The following PAH variants were observed in gnomAD, a reference collection of about 807,000 sequenced individuals.
The protein encoded by PAH is phenylalanine hydroxylase.
Under a neutral mutation model 62.0 loss-of-function variants are expected in PAH, and 64 were observed. The observed-to-expected ratio is 1.03, with a 90% CI of 0.84 to 1.27. The LOEUF is 1.27. Among genes scored for constraint, PAH ranks in the 50% most tolerant of loss-of-function variants. The pLI is 0.00. For missense variants in PAH, 579 were observed against 542.8 expected (o/e 1.07, Z -0.66); for synonymous variants, 195 against 196.2 (o/e 0.99, Z 0.05).
intron 3 of PAH, among the ~76,000 whole-genome samples, chr12:102,877,901 C>T (rs2136679807): frequency 6.6e-6 from 1 of 152,268 alleles, no homozygotes; most frequent in East Asian, 1.9e-4. Flanking sequence ...TCTTGGCTCA[C>T]TGAAACCTCT....
intron 1 of PAH, among the ~76,000 whole-genome samples, chr12:102,914,941 G>C (rs1039643068): frequency 5.9e-5 from 9 of 152,082 alleles, no homozygotes; most frequent in African/African-American, 1.9e-4. Context: ...TTTCTTAGTG[G>C]CCTGCATCGA....
At chr12:102,871,193 C>T (rs1044919661) in intron 4 of PAH, among the ~76,000 whole-genome samples, 1 of 152,178 alleles carries the variant, frequency 6.6e-6, no homozygotes, top group African/African-American at 2.4e-5. Context: ...CCTTCAAGGG[C>T]TTCTCATTGC....
intron 8 of PAH, among the ~76,000 whole-genome samples, chr12:102,851,437 G>A (rs115236441): frequency 7.1e-4 from 108 of 152,240 alleles, no homozygotes; most frequent in African/African-American, 2.5e-3. Context: ...GCTCTAGCAG[G>A]AAAAATGAGA....
At chr12:102,932,158 C>A (rs1878903187) in intron 1 of PAH, among the ~76,000 whole-genome samples, 1 of 152,134 alleles carries the variant, frequency 6.6e-6, no homozygotes, top group African/African-American at 2.4e-5. Flanking sequence ...CCAACCAAAC[C>A]ATTTGTCTGT....
At chr12:102,845,119 G>A (rs1391340087) in intron 9 of PAH, among the ~76,000 whole-genome samples, 1 of 152,214 alleles carries the variant, frequency 6.6e-6, no homozygotes, top group Non-Finnish European at 1.5e-5. Context: ...TGCCCAGGTA[G>A]AAGCCTGTGC....
intron 3 of PAH, among the ~76,000 whole-genome samples, chr12:102,886,920 A>T (rs1455794829): frequency 6.6e-6 from 1 of 152,160 alleles, no homozygotes; most frequent in African/African-American, 2.4e-5. Flanking sequence ...ATTAGGAGAT[A>T]GATGTGAATG....
At chr12:102,850,600 A>G (rs542994601) in intron 8 of PAH, among the ~76,000 whole-genome samples, 1 of 152,192 alleles carries the variant, frequency 6.6e-6, no homozygotes, top group South Asian at 2.1e-4. Context: ...TGACTGATCC[A>G]CTTTTATTAA....
intron 9 of PAH, among the ~76,000 whole-genome samples, chr12:102,845,652 G>A: frequency 6.6e-6 from 1 of 152,144 alleles, no homozygotes; most frequent in East Asian, 1.9e-4. Context: ...AGAATTAGGG[G>A]TAGGTTATTA....
At chr12:102,898,932 T>C (rs559133734) in intron 2 of PAH, among the ~76,000 whole-genome samples, 10 of 152,164 alleles carry the variant, frequency 6.6e-5, no homozygotes, top group South Asian at 6.2e-4. Flanking sequence ...AGCCATTATT[T>C]ATGGCTCCAA....
At chr12:102,843,850 G>A in intron 10 of PAH, 71 bp from the exon 11 acceptor site, 2 of 1,501,356 alleles carry the variant, frequency 1.3e-6, no homozygotes, top group Non-Finnish European at 1.8e-6. Flanking sequence ...CATCCCATAG[G>A]CCATTTGTGC....
upstream of PAH, among the ~76,000 whole-genome samples, chr12:102,954,351 C>T (rs1879852588): frequency 6.6e-6 from 1 of 152,214 alleles, no homozygotes; most frequent in Admixed American, 6.5e-5. Context: ...GTGATGATCA[C>T]AGAGTGGTTC....
At chr12:102,895,869 A>AATATATATATATATATATATATATAT in intron 2 of PAH, among the ~76,000 whole-genome samples, 1 of 118,714 alleles carries the variant, frequency 8.4e-6, no homozygotes, top group African/African-American at 3.6e-5. Context: ...AAAAAAAAAA[A>AATATATATATATATATATATATATAT]ATATATATAT....
chr12:102,852,491 G>C (rs1355670263), intron 7 of PAH, among the ~76,000 whole-genome samples: 1 of 152,178 alleles, frequency 6.6e-6, no homozygotes, highest in Non-Finnish European at 1.5e-5. Context: ...GAAGTATTGA[G>C]ATAGCTTGGC....
At position 102,935,904 on chromosome 12, in the gene PAH, AT is replaced by A. The variant is rs958969217; in HGVS notation, c.-96+14684del. Among the ~76,000 whole-genome samples the A allele has an allele frequency of 1.3e-3, 192 of 143,016 alleles. 4 individuals carry two copies. Among genetic ancestry groups the A allele is most frequent in the Admixed American group, 0.011 (161 of 14,576 alleles). 93.8% of individuals were successfully genotyped at this position (143,016 alleles called of 152,430 possible). On this transcript the variant is annotated intron_variant, in intron 1 of 3. Transcript: ENST00000546844. ...TTTATTTCTTTCTGCTCTGATCTTTATTTTTTTTTCTTCTATTAATTTTGGG... is the reference window on the plus strand; with the variant it reads ...TTTATTTCTTTCTGCTCTGATCTTTATTTTTTTTCTTCTATTAATTTTGGG...
chr12:102,861,966 T>TAAAAAAAAAAAAAA (rs71097947), intron 5 of PAH, among the ~76,000 whole-genome samples: 1 of 128,472 alleles, frequency 7.8e-6, no homozygotes, highest in Non-Finnish European at 1.7e-5. Context: ...ACTTAAAGTA[T>TAAAAAAAAAAAAAA]AAAAAAAAAA....
intron 1 of PAH, among the ~76,000 whole-genome samples, chr12:102,945,796 G>A (rs1055113180): frequency 2.6e-5 from 4 of 152,092 alleles, no homozygotes; most frequent in East Asian, 1.9e-4. Flanking sequence ...ACCCCACTGC[G>A]GCCAACCTCA....
At chr12:102,846,767 T>G in intron 9 of PAH, 128 bp downstream of exon 9, 1 of 757,994 alleles carries the variant, frequency 1.3e-6, no homozygotes, top group South Asian at 1.5e-5. Flanking sequence ...CTTGTGCAAA[T>G]GTAACCCACC....
upstream of PAH, chr12:102,917,333 C>G (rs1356479942): frequency 1.6e-6 from 1 of 610,448 alleles, no homozygotes; most frequent in Non-Finnish European, 3.0e-6. Flanking sequence ...GGCAGCCTGC[C>G]GGATGCTCCA....
intron 1 of PAH, among the ~76,000 whole-genome samples, chr12:102,935,227 T>A (rs901355969): frequency 6.6e-6 from 1 of 152,144 alleles, no homozygotes; most frequent in Non-Finnish European, 1.5e-5. Context: ...GAACCATCCT[T>A]GTATCCTGGG....
Sources: gnomAD v4.1 joint callset for allele counts (sites outside exome capture counted in the v4.1 genomes callset) on GRCh38, gnomAD v4.1.1 for gene constraint, MANE v1.5 for transcripts, NCBI Gene and HGNC (gene_info 2026-07-23, HGNC 2026-07-21) for gene names.